The following UBE2F variants were observed in gnomAD, a reference collection of about 807,000 sequenced individuals.
The protein encoded by UBE2F is ubiquitin conjugating enzyme E2 F (putative), also known as NEDD8-conjugating enzyme UBE2F.
UBE2F carries 5 observed loss-of-function variants against 29.6 expected under a neutral mutation model. That is an observed-to-expected ratio of 0.17 (90% confidence interval 0.09 to 0.36). The LOEUF (loss-of-function observed/expected upper bound fraction) is 0.36, where lower values mean the gene tolerates loss of function less well. UBE2F is among the 10% of genes least tolerant of loss of function. The probability of loss-of-function intolerance (pLI) is 1.00; values close to 1 mark genes in which losing one functional copy is unlikely to be tolerated. For synonymous variants in UBE2F, 66 were observed against 81.8 expected, an observed-to-expected ratio of 0.81 and a Z score of 1.04; for missense variants, 141 against 228.5, an observed-to-expected ratio of 0.62 and a Z score of 2.47.
chr2:237,974,501 G>GTTTTTTT (rs370519965), intron 2 of UBE2F, among the ~76,000 whole-genome samples: 1 of 108,582 alleles, frequency 9.2e-6, no homozygotes, highest in Non-Finnish European at 1.7e-5. Flanking sequence ...AATTTTTGTG[G>GTTTTTTT]TTTTTTTTTT....
In UBE2F at chr2:238,041,670, C is replaced by G. The variant is rs555690401; in HGVS notation, c.*332C>G. The G allele has an allele frequency of 4.7e-6, 1 of 211,104 alleles. No individual in the cohort carries two copies. Among genetic ancestry groups the G allele is most frequent in the East Asian group, 1.1e-4 (1 of 8,948 alleles). 13.1% of individuals were successfully genotyped at this position (211,104 alleles called of 1,614,324 possible). ...AACTCAAAATTGAGGCCAGAGCTTG[C>G]TTTCCCTTTTCCCAAACAAAATTGG... On this transcript the variant is annotated 3_prime_UTR_variant, in exon 10 of 10. Transcript: ENST00000272930.
intron 9 of UBE2F, among the ~76,000 whole-genome samples, chr2:238,037,851 C>T (rs2064751928): frequency 6.6e-6 from 1 of 152,156 alleles, no homozygotes. Flanking sequence ...TCAAGCAACC[C>T]ACCCGCCTTA....
intron 5 of UBE2F, among the ~76,000 whole-genome samples, chr2:238,020,313 A>C (rs1177727949): frequency 6.6e-6 from 1 of 152,134 alleles, no homozygotes; most frequent in Non-Finnish European, 1.5e-5. Flanking sequence ...TAGTGTAGAA[A>C]AGAGATGAAA....
At chr2:237,986,947 T>C (rs1274816868) in intron 2 of UBE2F, among the ~76,000 whole-genome samples, 1 of 152,228 alleles carries the variant, frequency 6.6e-6, no homozygotes, top group African/African-American at 2.4e-5. Context: ...ACTTTGTTCT[T>C]TTTCAAGCTG....
chr2:237,988,399 G>T (rs897093559), intron 3 of UBE2F, among the ~76,000 whole-genome samples: 1 of 151,444 alleles, frequency 6.6e-6, no homozygotes, highest in African/African-American at 2.4e-5. Context: ...AGTGAGCTGA[G>T]ATCAGGCCAC....
intron 4 of UBE2F, among the ~76,000 whole-genome samples, chr2:238,013,461 T>C (rs2064086205): frequency 6.6e-6 from 1 of 152,024 alleles, no homozygotes; most frequent in African/African-American, 2.4e-5. Context: ...TTGAGACAGT[T>C]CATTCTAGTA....
intron 4 of UBE2F, among the ~76,000 whole-genome samples, chr2:238,007,034 G>A (rs1449612553): frequency 6.6e-6 from 1 of 152,114 alleles, no homozygotes. Flanking sequence ...GGGATTACAG[G>A]CGTGAGCCAC....
At chr2:237,977,897 T>C (rs1293019719) in intron 2 of UBE2F, among the ~76,000 whole-genome samples, 1 of 152,042 alleles carries the variant, frequency 6.6e-6, no homozygotes. Flanking sequence ...CTTCATGCCA[T>C]AGGCTGGGTT....
At chr2:237,973,622 C>A (rs2106323750) in intron 2 of UBE2F, 3 of 1,264,890 alleles carry the variant, frequency 2.4e-6, no homozygotes, top group African/African-American at 1.5e-5. Flanking sequence ...TTTGTAATCT[C>A]TTAGGATCTT....
chr2:238,037,068 G>C (rs1024775608), intron 9 of UBE2F, among the ~76,000 whole-genome samples: 1 of 151,988 alleles, frequency 6.6e-6, no homozygotes, highest in African/African-American at 2.4e-5. Flanking sequence ...GGTTCAGAGA[G>C]CTCCCCCTAT....
chr2:238,035,538 G>C (rs962909653), intron 8 of UBE2F: 2 of 187,884 alleles, frequency 1.1e-5, no homozygotes, highest in Non-Finnish European at 2.2e-5. Flanking sequence ...TTTTTATTTG[G>C]AAATGCTTAA....
intron 3 of UBE2F, among the ~76,000 whole-genome samples, chr2:237,993,664 A>G (rs940278504): frequency 1.3e-5 from 2 of 152,194 alleles, no homozygotes; most frequent in African/African-American, 4.8e-5. Context: ...GGTGAGCTGG[A>G]ATCATGCCAC....
In UBE2F at chr2:238,039,103, C is replaced by T. The variant is rs147545256; in HGVS notation, c.508-2185C>T. On this transcript the variant is annotated intron_variant, in intron 9 of 9. Coordinates refer to ENST00000272930, the MANE Select transcript of UBE2F (RefSeq NM_080678.3). ...TAAAAAAATTAGCCGGGCATGGTGG[C>T]AGGCACTTGTAATTCCACCTACTTG... is the stretch of plus-strand genomic sequence containing the variant. Among the ~76,000 whole-genome samples the T allele has an allele frequency of 5.4e-4, 82 of 152,300 alleles. 1 individual carries two copies. Among genetic ancestry groups the T allele is most frequent in the African/African-American group, 1.9e-3 (77 of 41,556 alleles).
chr2:237,991,065 T>C (rs1188567710), intron 3 of UBE2F, among the ~76,000 whole-genome samples: 1 of 152,182 alleles, frequency 6.6e-6, no homozygotes, highest in East Asian at 1.9e-4. Context: ...GGCTTTCAAA[T>C]CAGGATTGTA....
In UBE2F at chr2:238,030,545, G is replaced by A; in HGVS notation, c.354-11G>A. 2 of 1,611,748 alleles carry A rather than the reference G, an allele frequency of 1.2e-6. No individual in the cohort carries two copies. The highest frequency in any genetic ancestry group is 1.7e-6 in the Non-Finnish European group (2 of 1,178,376). On this transcript the variant is annotated splice_polypyrimidine_tract_variant and intron_variant, in intron 6 of 9. Coordinates refer to ENST00000272930, the MANE Select transcript of UBE2F (RefSeq NM_080678.3). ...GCTCCTCACTAACCACTGTGTGTTT[G>A]TCTTTTTCAGTTTATTGAGAGAACA...
chr2:238,038,849 C>A (rs983995365), intron 9 of UBE2F, among the ~76,000 whole-genome samples: 4 of 152,216 alleles, frequency 2.6e-5, no homozygotes, highest in African/African-American at 9.6e-5. Context: ...ACTTATGTGC[C>A]AGGGGAGGTG....
At chr2:237,979,380 C>T (rs1157318481) in intron 2 of UBE2F, among the ~76,000 whole-genome samples, 1 of 152,190 alleles carries the variant, frequency 6.6e-6, no homozygotes, top group Non-Finnish European at 1.5e-5. Flanking sequence ...TGGGACCCCT[C>T]ACCTTCCTAT....
rs2063090610 is a variant in UBE2F at position 237,967,846 on chromosome 2, G to GT, written c.-17+715dup. Among the ~76,000 whole-genome samples the GT allele has an allele frequency of 6.6e-6, 1 of 152,180 alleles. No homozygotes were observed. The highest frequency in any genetic ancestry group is 1.5e-5 in the Non-Finnish European group (1 of 68,046). On this transcript the variant is annotated intron_variant, in intron 1 of 9. Transcript: ENST00000272930. The surrounding 1 kb of genome is among the most constrained non-coding windows in gnomAD (Gnocchi z 6.3). ...TAGTTCTGCTGGTGTGTCATCTTGG[G>GT]TGTGGCCTTCCCCTCCCTGGGCTCA...
In UBE2F at chr2:238,041,210, T is replaced by A. The variant is rs2064831668; in HGVS notation, c.508-78T>A. ...GGACCTTGGTGCTGGTGGATCTGACTTGTCCCTGAAGCGCTGCTTCACTCA... is the reference window on the plus strand; with the variant it reads ...GGACCTTGGTGCTGGTGGATCTGACATGTCCCTGAAGCGCTGCTTCACTCA... On this transcript the variant is annotated intron_variant, in intron 9 of 9. Transcript: ENST00000272930. 4 of 1,410,400 alleles carry A rather than the reference T, an allele frequency of 2.8e-6. No individual in the cohort carries two copies. In the South Asian group the frequency reaches 4.6e-5, roughly 16 times the overall value. The allele number at this position is 1,410,400 out of a possible 1,614,324, so 87.4% of individuals were successfully genotyped here.
Sources: allele counts gnomAD v4.1 joint callset (sites outside exome capture counted in the v4.1 genomes callset), GRCh38; gene constraint gnomAD v4.1.1; non-coding constraint Gnocchi (gnomAD v3.1); transcripts MANE v1.5; gene names NCBI Gene and HGNC (gene_info 2026-07-23, HGNC 2026-07-21).